Variants in EFHC2 observed in about 807,000 individuals in gnomAD.
EFHC2 encodes the protein EF-hand domain containing 2.
EFHC2 carries 18 observed loss-of-function variants against 52.7 expected under a neutral mutation model. The ratio of observed to expected loss-of-function variants is 0.34; its 90% CI spans 0.24 to 0.51. The LOEUF (loss-of-function observed/expected upper bound fraction) is 0.51. EFHC2 is among the 20% of genes least tolerant of loss of function. The pLI is 0.97. For missense variants in EFHC2, 513 were observed against 562.5 expected (o/e 0.91, Z 0.89); for synonymous variants, 203 against 204.1 (o/e 0.99, Z 0.04).
At chrX:44,177,228 T>C (rs1366526787) in intron 12 of EFHC2, among the ~76,000 whole-genome samples, 2 of 112,059 alleles carry the variant, frequency 1.8e-5, no homozygotes, top group Admixed American at 1.9e-4. Context: ...ACACATCTTC[T>C]AGGAAGCTTG....
chrX:44,254,340 G>A (rs930849606), intron 4 of EFHC2, among the ~76,000 whole-genome samples: 1 of 111,915 alleles, frequency 8.9e-6, no homozygotes, highest in African/African-American at 3.3e-5. Context: ...AAAGGAGCAT[G>A]TTTTAACCCA....
intron 11 of EFHC2, among the ~76,000 whole-genome samples, chrX:44,220,312 CAT>C (rs1200538017): frequency 4.5e-5 from 5 of 111,839 alleles, no homozygotes; most frequent in East Asian, 2.8e-4. Context: ...CTTCTGAGCA[CAT>C]GAGTGGGGTC....
chrX:44,262,336 G>GA (rs1314516131), intron 3 of EFHC2, among the ~76,000 whole-genome samples: 9 of 102,664 alleles, frequency 8.8e-5, no homozygotes, highest in Admixed American at 5.3e-4. Flanking sequence ...CTCTACAAAA[G>GA]AAAAAAAAAA....
At chrX:44,180,821 C>T (rs892779230) in intron 11 of EFHC2, among the ~76,000 whole-genome samples, 3 of 108,813 alleles carry the variant, frequency 2.8e-5, no homozygotes, top group African/African-American at 1.0e-4. Context: ...GTTATGATGT[C>T]TGGGAGGCTG....
In EFHC2 at chrX:44,341,066, A is replaced by G. The variant is rs999098169; in HGVS notation, c.42+2481T>C. On this transcript the variant is annotated intron_variant, in intron 1 of 14. Transcript: ENST00000420999. ...AAAAACATACAATGCAATACTACAGAGTAATAAAAATGTACAAACTACCTC... is the reference window on the plus strand; with the variant it reads ...AAAAACATACAATGCAATACTACAGGGTAATAAAAATGTACAAACTACCTC... Among the ~76,000 whole-genome samples the G allele has an allele frequency of 2.7e-5, 3 of 112,515 alleles. No individual in the cohort carries two copies. The Admixed American group carries it at 2.8e-4, about 11-fold the overall frequency.
rs2036810416 is a variant in EFHC2, at chrX:44,178,673, CT to C, written c.1752-110del. The C allele has an allele frequency of 1.1e-5, 7 of 646,037 alleles. No homozygotes were observed. The East Asian group carries it at 2.6e-4, about 24-fold the overall frequency. The allele number at this position is 646,037 out of a possible 1,213,427, so 53.2% of individuals were successfully genotyped here. On this transcript the variant is annotated intron_variant, in intron 11 of 14. Coordinates refer to ENST00000420999, the MANE Select transcript of EFHC2 (RefSeq NM_025184.4). Reference sequence around the variant, plus strand: ...TTCCATTTTACAAAACTTTTACCAACTGTACAGAGGTCATGTGATTTTTTTA... The same window carrying C: ...TTCCATTTTACAAAACTTTTACCAACGTACAGAGGTCATGTGATTTTTTTA...
At chrX:44,267,558 G>A (rs1482786287) in intron 3 of EFHC2, among the ~76,000 whole-genome samples, 1 of 111,697 alleles carries the variant, frequency 9.0e-6, no homozygotes, top group Non-Finnish European at 1.9e-5. Context: ...AGGGAGCAGG[G>A]GAGGGTTATA....
intron 13 of EFHC2, among the ~76,000 whole-genome samples, chrX:44,165,532 G>T (rs766144194): frequency 1.7e-4 from 19 of 111,792 alleles, no homozygotes; most frequent in African/African-American, 6.2e-4. Context: ...TGTATGTTTT[G>T]GGGGAAGAAT....
chrX:44,235,558 C>G, intron 8 of EFHC2, 111 bp from the exon 9 acceptor site: 1 of 752,293 alleles, frequency 1.3e-6, no homozygotes, highest in Non-Finnish European at 1.8e-6. Flanking sequence ...TAGGCATAAA[C>G]TGTCCAAAGT....
chrX:44,235,825 T>C (rs1166091587), intron 8 of EFHC2, among the ~76,000 whole-genome samples: 1 of 112,444 alleles, frequency 8.9e-6, no homozygotes, highest in Non-Finnish European at 1.9e-5. Flanking sequence ...TGGGCAATCC[T>C]GGGCTCTGCC....
Position 44,148,696 on chromosome X carries a change from C to T in EFHC2, c.*99G>A, listed in dbSNP as rs1460354041. On this transcript the variant is annotated 3_prime_UTR_variant, in exon 15 of 15. Transcript: ENST00000420999. Reference sequence around the variant, plus strand: ...TTTATGGATTTCCATTTAATATAAACCTTGTTTCTTTTTTGTTTTTAATGA... The same window carrying T: ...TTTATGGATTTCCATTTAATATAAATCTTGTTTCTTTTTTGTTTTTAATGA... The T allele has an allele frequency of 5.6e-6, 4 of 718,658 alleles. No individual in the cohort carries two copies. Among genetic ancestry groups the T allele is most frequent in the Non-Finnish European group, 8.1e-6 (4 of 494,323 alleles). 59.2% of individuals were successfully genotyped at this position (718,658 alleles called of 1,213,427 possible). A position where few individuals can be genotyped will look rare whatever the true frequency, so the allele number is the denominator to read the frequency against.
At chrX:44,312,787 CAA>C in intron 1 of EFHC2, 31 bp from the exon 2 acceptor site, 2 of 1,125,830 alleles carry the variant, frequency 1.8e-6, no homozygotes, top group Non-Finnish European at 2.4e-6. Flanking sequence ...ATAAAATAGC[CAA>C]AGTTACTCTT....
At chrX:44,290,387 ATTG>A (rs907002323) in intron 2 of EFHC2, among the ~76,000 whole-genome samples, 4 of 111,719 alleles carry the variant, frequency 3.6e-5, no homozygotes, top group African/African-American at 1.3e-4. Flanking sequence ...CACAAAGCAC[ATTG>A]TTATCAAAAA....
intron 13 of EFHC2, among the ~76,000 whole-genome samples, chrX:44,170,738 C>T (rs986138843): frequency 9.0e-6 from 1 of 111,318 alleles, no homozygotes; most frequent in African/African-American, 3.3e-5. Flanking sequence ...TCCCCTGCTT[C>T]ACTCCTCTCC....
At chrX:44,207,561 C>T (rs1484982145) in intron 11 of EFHC2, among the ~76,000 whole-genome samples, 3 of 109,790 alleles carry the variant, frequency 2.7e-5, no homozygotes, top group African/African-American at 9.9e-5. Flanking sequence ...ACTATGAAAA[C>T]CTAGGAAAAA....
chrX:44,249,458 T>C (rs1336445609), intron 5 of EFHC2, among the ~76,000 whole-genome samples: 1 of 110,195 alleles, frequency 9.1e-6, no homozygotes, highest in Non-Finnish European at 1.9e-5. Context: ...TTTTTTTTTT[T>C]ACTATGTTAT....
intron 10 of EFHC2, among the ~76,000 whole-genome samples, chrX:44,231,653 G>A (rs1160191219): frequency 1.8e-5 from 2 of 111,241 alleles, no homozygotes; most frequent in Non-Finnish European, 3.8e-5. Context: ...GATGTACACA[G>A]AGACATCAAT....
chrX:44,215,279 G>A (rs2037135644), intron 11 of EFHC2, among the ~76,000 whole-genome samples: 2 of 111,150 alleles, frequency 1.8e-5, no homozygotes, highest in African/African-American at 6.6e-5. Context: ...ATAGCACTGT[G>A]AGAACTGACT....
chrX:44,184,723 CAAAA>C (rs34983921), intron 11 of EFHC2, among the ~76,000 whole-genome samples: 1 of 46,194 alleles, frequency 2.2e-5, no homozygotes, highest in African/African-American at 6.5e-5. Context: ...AATTCCATCT[CAAAA>C]AAAAAAAAAA....
Sources: gnomAD v4.1 joint callset for allele counts (sites outside exome capture counted in the v4.1 genomes callset) on GRCh38, gnomAD v4.1.1 for gene constraint, MANE v1.5 for transcripts, NCBI Gene and HGNC (gene_info 2026-07-23, HGNC 2026-07-21) for gene names.